Variants in CNBD1 observed in about 807,000 individuals in gnomAD.
CNBD1 encodes cyclic nucleotide binding domain containing 1.
A neutral mutation model predicts 54.4 loss-of-function variants in CNBD1; 71 were observed. The ratio of observed to expected loss-of-function variants is 1.30; its 90% CI spans 1.08 to 1.59. The LOEUF is 1.59. Among genes scored for constraint, CNBD1 ranks in the 40% most tolerant of loss-of-function variants. The pLI is 0.00. For missense variants in CNBD1, 659 were observed against 518.0 expected, an observed-to-expected ratio of 1.27 and a Z score of -2.64; for synonymous variants, 182 against 170.7, an observed-to-expected ratio of 1.07 and a Z score of -0.51.
intron 4 of CNBD1, among the ~76,000 whole-genome samples, chr8:87,202,429 A>C (rs887876991): frequency 2.6e-5 from 4 of 152,226 alleles, no homozygotes; most frequent in African/African-American, 9.6e-5. Flanking sequence ...GAGAACGTGG[A>C]GCAGCAAGTA....
At chr8:86,948,053 C>A (rs1371854397) in intron 4 of CNBD1, among the ~76,000 whole-genome samples, 1 of 152,070 alleles carries the variant, frequency 6.6e-6, no homozygotes, top group Non-Finnish European at 1.5e-5. Flanking sequence ...AATATAATGA[C>A]CTCCAGTTCC....
At chr8:87,104,963 A>G (rs1811503320) in intron 4 of CNBD1, among the ~76,000 whole-genome samples, 1 of 152,232 alleles carries the variant, frequency 6.6e-6, no homozygotes, top group African/African-American at 2.4e-5. Flanking sequence ...ATGGAGTTTA[A>G]TAATTTTTAT....
At chr8:87,050,218 G>A (rs1810284503) in intron 4 of CNBD1, among the ~76,000 whole-genome samples, 1 of 152,166 alleles carries the variant, frequency 6.6e-6, no homozygotes, top group Non-Finnish European at 1.5e-5. Flanking sequence ...AATATTCTTA[G>A]CTGTTTGAGG....
intron 10 of CNBD1, among the ~76,000 whole-genome samples, chr8:87,379,077 A>T (rs1400756423): frequency 1.3e-5 from 2 of 151,104 alleles, no homozygotes; most frequent in African/African-American, 4.9e-5. Context: ...GGTTTTCTAG[A>T]TATACAATCA....
intron 5 of CNBD1, among the ~76,000 whole-genome samples, chr8:87,221,730 A>C (rs941153446): frequency 7.9e-5 from 12 of 152,112 alleles, no homozygotes; most frequent in African/African-American, 2.9e-4. Flanking sequence ...GAGAGTATCA[A>C]TATTTGAAGG....
chr8:87,351,406 C>T (rs1810289024), intron 8 of CNBD1, among the ~76,000 whole-genome samples: 1 of 152,146 alleles, frequency 6.6e-6, no homozygotes, highest in South Asian at 2.1e-4. Context: ...TTCTATATTC[C>T]CCTTTCCTTC....
chr8:87,019,245 C>A (rs1032467801), intron 4 of CNBD1, among the ~76,000 whole-genome samples: 1 of 151,966 alleles, frequency 6.6e-6, no homozygotes, highest in African/African-American at 2.4e-5. Flanking sequence ...TTACTTAAAA[C>A]AATAGTTTAA....
chr8:87,095,513 T>G (rs1032925252), intron 4 of CNBD1, among the ~76,000 whole-genome samples: 17 of 152,370 alleles, frequency 1.1e-4, no homozygotes, highest in African/African-American at 4.1e-4. Context: ...TTACTCATGA[T>G]TTTGCATCAT....
At chr8:87,095,674 T>C (rs1013527847) in intron 4 of CNBD1, among the ~76,000 whole-genome samples, 8 of 152,220 alleles carry the variant, frequency 5.3e-5, no homozygotes, top group African/African-American at 1.9e-4. Context: ...GTCTTTTTTT[T>C]TGAGACGGAG....
At chr8:87,397,812 C>G (rs1811435991) in intron 2 of CNBD1, among the ~76,000 whole-genome samples, 1 of 151,964 alleles carries the variant, frequency 6.6e-6, no homozygotes, top group Admixed American at 6.6e-5. Flanking sequence ...TGGTTGATGA[C>G]TGAATCATGG....
At chr8:87,174,103 C>T (rs1368221214) in intron 4 of CNBD1, among the ~76,000 whole-genome samples, 3 of 151,954 alleles carry the variant, frequency 2.0e-5, no homozygotes, top group Non-Finnish European at 2.9e-5. Flanking sequence ...GGACTATAGG[C>T]GCACACCACC....
In CNBD1 at chr8:87,190,876, G is replaced by GGT. The variant is rs1409927818; in HGVS notation, c.432-15117_432-15116insGT. On this transcript the variant is annotated intron_variant, in intron 4 of 10. Coordinates refer to ENST00000518476, the MANE Select transcript of CNBD1 (RefSeq NM_173538.3). ...ATGTACCTATATCTAAATAGATATA[G>GGT]ATACATGTACGTATATCTATTTAGA... Among the ~76,000 whole-genome samples the GGT allele has an allele frequency of 5.3e-3, 734 of 137,628 alleles. 7 individuals are homozygous for GGT. The highest frequency in any genetic ancestry group is 8.2e-3 in the Non-Finnish European group (540 of 65,972). 90.3% of individuals were successfully genotyped at this position (137,628 alleles called of 152,430 possible).
intron 10 of CNBD1, among the ~76,000 whole-genome samples, chr8:87,357,447 C>T (rs1275986938): frequency 8.5e-5 from 13 of 152,184 alleles, no homozygotes; most frequent in African/African-American, 4.8e-5. Flanking sequence ...CCAGTGTACC[C>T]ATAATTAGAG....
intron 4 of CNBD1, among the ~76,000 whole-genome samples, chr8:87,109,302 T>G (rs1374562069): frequency 6.6e-6 from 1 of 152,120 alleles, no homozygotes; most frequent in Non-Finnish European, 1.5e-5. Context: ...GAGGGTCCCT[T>G]TCCTTGACCT....
chr8:87,363,452 A>G (rs2130938974), intron 10 of CNBD1, among the ~76,000 whole-genome samples: 1 of 152,250 alleles, frequency 6.6e-6, no homozygotes, highest in Non-Finnish European at 1.5e-5. Flanking sequence ...GAACTAATTT[A>G]GACTCCCACC....
At chr8:87,370,367 C>A (rs1201992668) in intron 10 of CNBD1, among the ~76,000 whole-genome samples, 1 of 152,270 alleles carries the variant, frequency 6.6e-6, no homozygotes, top group East Asian at 1.9e-4. Flanking sequence ...GTTCCTATTT[C>A]TCCACTACTC....
chr8:87,368,161 AAAAAGAAAAGAAAAG>A (rs71277938), intron 10 of CNBD1, among the ~76,000 whole-genome samples: 1 of 148,130 alleles, frequency 6.8e-6, no homozygotes, highest in Non-Finnish European at 1.5e-5. Context: ...GATTCCATCT[AAAAAGAAAAGAAAAG>A]AAAAGAAAAG....
chr8:87,254,819 C>A (rs1807979578), intron 6 of CNBD1, among the ~76,000 whole-genome samples: 1 of 152,114 alleles, frequency 6.6e-6, no homozygotes, highest in Non-Finnish European at 1.5e-5. Flanking sequence ...AGGTCAGTTC[C>A]TTGCTTTTAC....
At position 87,059,969 on chromosome 8, in the gene CNBD1, C is replaced by T. The variant is rs116814291; in HGVS notation, c.431+120215C>T. ...GAAAGCTGCTAAGAGGTCAGGACAACTCCCAGGCCTTAGAAGCCTGCCCTA... is the reference window on the plus strand; with the variant it reads ...GAAAGCTGCTAAGAGGTCAGGACAATTCCCAGGCCTTAGAAGCCTGCCCTA... On this transcript the variant is annotated intron_variant, in intron 4 of 10. Coordinates refer to ENST00000518476, the MANE Select transcript of CNBD1 (RefSeq NM_173538.3). Among the ~76,000 whole-genome samples, 201 of 152,354 alleles carry T rather than the reference C, an allele frequency of 1.3e-3. 1 individual carries two copies. Among genetic ancestry groups the T allele is most frequent in the African/African-American group, 4.5e-3 (187 of 41,588 alleles).
Sources: allele counts gnomAD v4.1 joint callset (sites outside exome capture counted in the v4.1 genomes callset), GRCh38; gene constraint gnomAD v4.1.1; transcripts MANE v1.5; gene names NCBI Gene and HGNC (gene_info 2026-07-23, HGNC 2026-07-21).